Variants in OCM observed in about 807,000 individuals in gnomAD.
OCM encodes oncomodulin.
Under a neutral mutation model 14.1 loss-of-function variants are expected in OCM, and 18 were observed. The observed-to-expected ratio is 1.28, with a 90% confidence interval of 0.88 to 1.89. The LOEUF (loss-of-function observed/expected upper bound fraction) is 1.89. Ranked by LOEUF, OCM falls within the 40% of genes most tolerant of loss-of-function variation. OCM has a pLI of 0.00. For missense variants in OCM, 140 were observed against 137.6 expected (o/e 1.02, Z -0.09); for synonymous variants, 48 against 51.0 (o/e 0.94, Z 0.25).
intron 1 of OCM, among the ~76,000 whole-genome samples, chr7:5,881,653 A>G (rs1328896126): frequency 6.7e-6 from 1 of 149,746 alleles, no homozygotes; most frequent in Admixed American, 6.9e-5. Flanking sequence ...AAATAAATAA[A>G]TAAGAGGTTG....
At chr7:5,871,020 G>C in the OCM span, among the ~76,000 whole-genome samples, 1 of 151,936 alleles carries the variant, frequency 6.6e-6, no homozygotes, top group Non-Finnish European at 1.5e-5. Flanking sequence ...CTCGCCAGTA[G>C]CTGGGATAAC....
chr7:5,860,936 C>T, the OCM span, among the ~76,000 whole-genome samples: 275 of 151,536 alleles, frequency 1.8e-3, 3 homozygotes, highest in African/African-American at 5.6e-3. Context: ...CAGAGTTGGC[C>T]AGAGAGCAAA....
chr7:5,882,560 G>C lies in OCM; in HGVS notation c.129G>C (p.Gln43His), dbSNP rs1781240695. ...GCCTCTCCAAGATGTCAGCCAATCA[G>C]GTGAAGGATGTTTTCCGGTTCATAG... is the stretch of plus-strand genomic sequence containing the variant. The part of the protein sequence containing the change: ...TSGLSKMSAN[Q>H]VKDVFRFIDN... Residue 43 changes from glutamine to histidine, a missense_variant, in exon 2 of 4, where the codon CAG (glutamine) becomes CAC (histidine). Coordinates refer to ENST00000242104, the MANE Select transcript of OCM (RefSeq NM_001097622.2). 2 of 1,614,140 alleles carry C rather than the reference G, an allele frequency of 1.2e-6. No individual in the cohort carries two copies. The highest frequency in any genetic ancestry group is 4.5e-5 in the East Asian group (2 of 44,884).
rs1306435367 is a variant in OCM, at chr7:5,881,005, G to T, written c.61+55G>T. 7 of 1,563,300 alleles carry T rather than the reference G, an allele frequency of 4.5e-6. No individual in the cohort carries two copies. The Admixed American group carries it at 5.0e-5, about 11-fold the overall frequency. On this transcript the variant is annotated intron_variant, in intron 1 of 3. Coordinates refer to ENST00000242104, the MANE Select transcript of OCM (RefSeq NM_001097622.2). ...TTCCTCACAGCTTTGCACCTCCAGCGAGTCAACACAAAATCAAAATGTAGG... is the reference window on the plus strand; with the variant it reads ...TTCCTCACAGCTTTGCACCTCCAGCTAGTCAACACAAAATCAAAATGTAGG...
chr7:5,885,508 G>A (rs1033287673), intron 3 of OCM, among the ~76,000 whole-genome samples: 1 of 152,062 alleles, frequency 6.6e-6, no homozygotes, highest in Non-Finnish European at 1.5e-5. Flanking sequence ...CTATTGCAAA[G>A]CTGAAGATGT....
At chr7:5,879,842 T>G (rs1204020413), upstream of OCM, 2 of 151,826 alleles carry the variant, frequency 1.3e-5, no homozygotes, top group Non-Finnish European at 2.9e-5. Flanking sequence ...TCTAAGAGGT[T>G]GTAACTATCA....
upstream of OCM, among the ~76,000 whole-genome samples, chr7:5,876,566 C>G (rs1781099623): frequency 6.6e-6 from 1 of 152,178 alleles, no homozygotes. Context: ...GCGCCTAAAT[C>G]TAGGTCAGTC....
the OCM span, among the ~76,000 whole-genome samples, chr7:5,874,419 CATT>C: frequency 6.6e-6 from 1 of 151,768 alleles, no homozygotes; most frequent in Non-Finnish European, 1.5e-5. Flanking sequence ...AACAACATAT[CATT>C]ATGCATATGC....
chr7:5,885,612 CCTTTT>C (rs1348629904), intron 3 of OCM, among the ~76,000 whole-genome samples: 1 of 149,224 alleles, frequency 6.7e-6, no homozygotes, highest in Non-Finnish European at 1.5e-5. Flanking sequence ...TTCTTTCTTT[CCTTTT>C]TTTTTTTTTT....
chr7:5,862,767 C>T, the OCM span, among the ~76,000 whole-genome samples: 1 of 151,654 alleles, frequency 6.6e-6, no homozygotes, highest in African/African-American at 2.4e-5. Flanking sequence ...CTTTATCTTG[C>T]GTAAAATGTA....
At chr7:5,878,334 C>G (rs62457665), upstream of OCM, among the ~76,000 whole-genome samples, 86,158 of 151,780 alleles carry the variant, frequency 0.57, 24,776 homozygotes, top group Middle Eastern at 0.66. Context: ...GGGAACAGGG[C>G]AGTTGTGGCA....
At chr7:5,884,763 G>A (rs1218238536) in intron 3 of OCM, among the ~76,000 whole-genome samples, 1 of 151,428 alleles carries the variant, frequency 6.6e-6, no homozygotes, top group Admixed American at 6.6e-5. Context: ...CTTACTACAT[G>A]GGAGTTAATG....
At chr7:5,861,874 C>A in the OCM span, among the ~76,000 whole-genome samples, 3,006 of 152,056 alleles carry the variant, frequency 0.02, 106 homozygotes, top group African/African-American at 0.069. Flanking sequence ...CCACCACACT[C>A]GGCCTACTTT....
At chr7:5,863,493 G>A in the OCM span, among the ~76,000 whole-genome samples, 110 of 151,990 alleles carry the variant, frequency 7.2e-4, no homozygotes, top group African/African-American at 2.6e-3. Context: ...CAGTTTAGAT[G>A]GCTGAGGGGC....
At chr7:5,862,283 T>C in the OCM span, among the ~76,000 whole-genome samples, 2 of 152,054 alleles carry the variant, frequency 1.3e-5, no homozygotes, top group Admixed American at 6.6e-5. Flanking sequence ...TCCCTTTTGT[T>C]CCCAAATGGA....
At chr7:5,861,695 A>G in the OCM span, among the ~76,000 whole-genome samples, 2 of 152,082 alleles carry the variant, frequency 1.3e-5, no homozygotes, top group Non-Finnish European at 2.9e-5. Context: ...GGACATTTTC[A>G]TTAATGTGTA....
At chr7:5,873,078 AAATT>A in the OCM span, among the ~76,000 whole-genome samples, 1 of 151,954 alleles carries the variant, frequency 6.6e-6, no homozygotes, top group Non-Finnish European at 1.5e-5. Context: ...TACAAAAACT[AAATT>A]AAAAAATTAA....
At chr7:5,860,238 C>T in the OCM span, among the ~76,000 whole-genome samples, 2 of 151,572 alleles carry the variant, frequency 1.3e-5, no homozygotes, top group Non-Finnish European at 1.5e-5. Flanking sequence ...GAGACGGAGC[C>T]GCTCACATTT....
rs185131300 is a variant in OCM, at chr7:5,881,585, G to A, written c.61+635G>A. Among the ~76,000 whole-genome samples, 3 of 151,938 alleles carry A rather than the reference G, an allele frequency of 2.0e-5. 1 individual carries two copies. The highest frequency in any genetic ancestry group is 6.6e-5 in the Admixed American group (1 of 15,258). On this transcript the variant is annotated intron_variant, in intron 1 of 3. Coordinates refer to ENST00000242104, the MANE Select transcript of OCM (RefSeq NM_001097622.2). Reference sequence around the variant, plus strand: ...GTTGAGGCTGTGGTGAGCTATGATCGCTACACTGCACTCCAGCTTGGACGA... The same window carrying A: ...GTTGAGGCTGTGGTGAGCTATGATCACTACACTGCACTCCAGCTTGGACGA...
Sources: allele counts gnomAD v4.1 joint callset (sites outside exome capture counted in the v4.1 genomes callset), GRCh38; gene constraint gnomAD v4.1.1; transcripts MANE v1.5; gene names NCBI Gene and HGNC (gene_info 2026-07-23, HGNC 2026-07-21).